The following ZNF438 variants were observed in gnomAD, a reference collection of about 807,000 sequenced individuals.
ZNF438 encodes zinc finger protein 438.
Under a neutral mutation model 38.0 loss-of-function variants are expected in ZNF438, and 25 were observed. The ratio of observed to expected loss-of-function variants is 0.66; its 90% CI spans 0.48 to 0.92. The LOEUF (loss-of-function observed/expected upper bound fraction) is 0.92. Among genes scored for constraint, ZNF438 ranks in the 40% least tolerant of loss-of-function variants. The pLI is 0.00. For synonymous variants in ZNF438, 372 were observed against 364.1 expected (o/e 1.02, Z -0.25); for missense variants, 1,007 against 999.6 (o/e 1.01, Z -0.10).
At chr10:30,890,839 C>A (rs1462633577) in intron 3 of ZNF438, among the ~76,000 whole-genome samples, 1 of 152,182 alleles carries the variant, frequency 6.6e-6, no homozygotes, top group Non-Finnish European at 1.5e-5. Context: ...AATTTCACTT[C>A]TTGATTGTTC....
chr10:30,850,098 C>G, exon 5 of ZNF438: 4 of 1,614,098 alleles, frequency 2.5e-6, no homozygotes, highest in Non-Finnish European at 3.4e-6. Context: ...ATTGGCTGAG[C>G]TGAGGCAACA....
intron 1 of ZNF438, among the ~76,000 whole-genome samples, chr10:30,982,437 C>A (rs1467997895): frequency 1.3e-5 from 2 of 152,096 alleles, no homozygotes; most frequent in Non-Finnish European, 2.9e-5. Flanking sequence ...CCAAGGTTAG[C>A]ACAATCATGT....
chr10:30,877,792 A>G (rs1046923569), intron 3 of ZNF438, among the ~76,000 whole-genome samples: 2 of 152,194 alleles, frequency 1.3e-5, no homozygotes, highest in African/African-American at 4.8e-5. Context: ...ATAGAAGTAA[A>G]TTTTTTTATA....
At chr10:30,913,556 C>T (rs922151716) in intron 2 of ZNF438, among the ~76,000 whole-genome samples, 1 of 152,078 alleles carries the variant, frequency 6.6e-6, no homozygotes, top group Non-Finnish European at 1.5e-5. Flanking sequence ...TGGTACTCAT[C>T]ATCTTACCCC....
At chr10:30,934,165 A>G (rs943705938) in intron 2 of ZNF438, among the ~76,000 whole-genome samples, 1 of 151,284 alleles carries the variant, frequency 6.6e-6, no homozygotes, top group African/African-American at 2.4e-5. Context: ...AAAAGAAAAA[A>G]AAAAAAAGAA....
At chr10:30,876,892 A>T in intron 4 of ZNF438, 106 bp downstream of exon 5, 1 of 747,744 alleles carries the variant, frequency 1.3e-6, no homozygotes, top group Non-Finnish European at 2.0e-6. Flanking sequence ...TTTTATTTTT[A>T]ATTCTAGGAA....
At chr10:30,875,361 A>C (rs190937216) in intron 4 of ZNF438, 1 of 985,310 alleles carries the variant, frequency 1.0e-6, no homozygotes, top group Admixed American at 6.1e-5. Flanking sequence ...ACACCTAGTC[A>C]TTCTCGATTT....
intron 3 of ZNF438, among the ~76,000 whole-genome samples, chr10:30,904,029 A>AAG (rs1485085373): frequency 1.3e-5 from 2 of 151,808 alleles, no homozygotes; most frequent in African/African-American, 2.4e-5. Context: ...AAAAAAAAAA[A>AAG]AGACACAGGA....
At chr10:30,968,509 T>C (rs1333072954) in intron 1 of ZNF438, among the ~76,000 whole-genome samples, 1 of 146,220 alleles carries the variant, frequency 6.8e-6, no homozygotes, top group Non-Finnish European at 1.5e-5. Context: ...AATGGTGTGA[T>C]CTCGGCTCAC....
intron 1 of ZNF438, among the ~76,000 whole-genome samples, chr10:30,971,564 T>C (rs976545165): frequency 2.0e-5 from 3 of 152,202 alleles, no homozygotes; most frequent in Admixed American, 6.5e-5. Context: ...GAATTTCCTC[T>C]GTAAATAATT....
chr10:30,993,499 G>A (rs967768944), intron 1 of ZNF438, among the ~76,000 whole-genome samples: 2 of 152,236 alleles, frequency 1.3e-5, no homozygotes, highest in African/African-American at 4.8e-5. Flanking sequence ...TGCTAATTCT[G>A]CAGCTGTACA....
chr10:30,896,458 T>A (rs983303802), intron 3 of ZNF438, among the ~76,000 whole-genome samples: 1 of 152,132 alleles, frequency 6.6e-6, no homozygotes, highest in African/African-American at 2.4e-5. Flanking sequence ...ATACATACAA[T>A]GGATTATTCA....
chr10:30,860,621 TGC>T (rs1222210668), intron 4 of ZNF438, among the ~76,000 whole-genome samples: 1 of 152,204 alleles, frequency 6.6e-6, no homozygotes, highest in Admixed American at 6.5e-5. Context: ...CAATCCGTCT[TGC>T]CAGGCTCTTT....
At chr10:30,907,337 TGTC>T (rs1328350461) in intron 3 of ZNF438, among the ~76,000 whole-genome samples, 1 of 152,214 alleles carries the variant, frequency 6.6e-6, no homozygotes. Context: ...GTGTTGTTGT[TGTC>T]TTGTCCATTT....
At chr10:30,909,954 C>A (rs538511332) in intron 2 of ZNF438, among the ~76,000 whole-genome samples, 4 of 152,138 alleles carry the variant, frequency 2.6e-5, no homozygotes, top group African/African-American at 7.2e-5. Context: ...TCCTCATAAC[C>A]AACGTAAAGG....
At chr10:30,931,675 G>C (rs1417688516) in intron 2 of ZNF438, among the ~76,000 whole-genome samples, 1 of 152,118 alleles carries the variant, frequency 6.6e-6, no homozygotes, top group Non-Finnish European at 1.5e-5. Context: ...TCTATAGTAC[G>C]AAAAACCCAA....
chr10:31,009,930 C>T (rs867172559), intron 1 of ZNF438, among the ~76,000 whole-genome samples: 8 of 150,594 alleles, frequency 5.3e-5, no homozygotes, highest in Middle Eastern at 3.4e-3. Context: ...CTCACTGCAA[C>T]CTCCACCTCC....
chr10:30,965,930 T>C (rs1476030208), intron 1 of ZNF438, among the ~76,000 whole-genome samples: 1 of 152,162 alleles, frequency 6.6e-6, no homozygotes, highest in Non-Finnish European at 1.5e-5. Context: ...AAAGTTGAAA[T>C]GATTTTTAAA....
intron 2 of ZNF438, among the ~76,000 whole-genome samples, chr10:30,917,692 T>C (rs942730986): frequency 6.6e-6 from 1 of 152,186 alleles, no homozygotes; most frequent in Non-Finnish European, 1.5e-5. Context: ...TGGAGCTGTA[T>C]AAATTAGCTA....
Sources: allele counts gnomAD v4.1 joint callset (sites outside exome capture counted in the v4.1 genomes callset), GRCh38; gene constraint gnomAD v4.1.1; transcripts MANE v1.5; gene names NCBI Gene and HGNC (gene_info 2026-07-23, HGNC 2026-07-21).